RARB: variants seen among roughly 807,000 people sequenced by gnomAD.
RARB encodes the protein HBV-activated protein.
A neutral mutation model predicts 51.9 loss-of-function variants in RARB; 17 were observed. The ratio of observed to expected loss-of-function variants is 0.33; its 90% confidence interval spans 0.22 to 0.49. RARB has a LOEUF of 0.49. Ranked by LOEUF, RARB falls within the 20% of genes least tolerant of loss-of-function variation. The probability of loss-of-function intolerance (pLI) is 0.99; values close to 1 mark genes in which losing one functional copy is unlikely to be tolerated. For missense variants in RARB, 369 were observed against 550.8 expected (o/e 0.67, Z 3.30); for synonymous variants, 215 against 195.4 (o/e 1.10, Z -0.84).
At chr3:25,207,227 A>G (rs977929976) in intron 5 of RARB, among the ~76,000 whole-genome samples, 2 of 152,192 alleles carry the variant, frequency 1.3e-5, no homozygotes, top group East Asian at 3.9e-4. Context: ...ACTCAGATCT[A>G]CTAAGCATGT....
intron 3 of RARB, among the ~76,000 whole-genome samples, chr3:25,071,828 A>G (rs1575146543): frequency 6.6e-6 from 1 of 152,186 alleles, no homozygotes; most frequent in South Asian, 2.1e-4. Context: ...CCAGTGTGCT[A>G]ATATTATTGT....
intron 5 of RARB, among the ~76,000 whole-genome samples, chr3:25,383,288 G>C (rs182796143): frequency 6.6e-6 from 1 of 152,304 alleles, no homozygotes; most frequent in East Asian, 1.9e-4. Context: ...TCACTGTGTG[G>C]CTCCTCTCTG....
intron 2 of RARB, among the ~76,000 whole-genome samples, chr3:24,978,252 G>GA (rs1696563275): frequency 6.6e-6 from 1 of 152,082 alleles, no homozygotes; most frequent in Admixed American, 6.5e-5. Flanking sequence ...TTGGAATCAG[G>GA]ATGACGCTTG....
chr3:24,915,202 A>C (rs901426926), intron 2 of RARB, among the ~76,000 whole-genome samples: 1 of 152,194 alleles, frequency 6.6e-6, no homozygotes, highest in Non-Finnish European at 1.5e-5. Flanking sequence ...TTTCTTTTAA[A>C]ATGCTATAGA....
At chr3:25,342,464 C>T (rs573670078) in intron 5 of RARB, among the ~76,000 whole-genome samples, 3 of 152,268 alleles carry the variant, frequency 2.0e-5, no homozygotes, top group Non-Finnish European at 2.9e-5. Flanking sequence ...CTCTTACAGC[C>T]GTATGACACC....
intron 3 of RARB, among the ~76,000 whole-genome samples, chr3:25,505,826 G>A (rs577947855): frequency 1.8e-4 from 27 of 151,594 alleles, no homozygotes; most frequent in Non-Finnish European, 3.5e-4. Context: ...GAAAGCATGT[G>A]GCAAAGCCCT....
chr3:25,557,340 G>A (rs184040902), intron 3 of RARB, among the ~76,000 whole-genome samples: 298 of 152,192 alleles, frequency 2.0e-3, no homozygotes, highest in African/African-American at 3.2e-3. Flanking sequence ...AACAAAACCC[G>A]GAGGGACTAA....
intron 5 of RARB, among the ~76,000 whole-genome samples, chr3:25,367,375 G>A (rs2125469094): frequency 6.6e-6 from 1 of 152,214 alleles, no homozygotes; most frequent in Middle Eastern, 3.4e-3. Flanking sequence ...TGGCAAAAGG[G>A]GAACACAGGA....
At position 25,494,253 on chromosome 3, in the gene RARB, GCACA is replaced by G. The variant is rs57081618; in HGVS notation, c.307-6906_307-6903del. ...GCCCCCTTTTCCAGCTGTATCTTAC[GCACA>G]CACACACACACACACACACACATGC... On this transcript the variant is annotated intron_variant, in intron 2 of 7. Transcript: ENST00000330688. Among the ~76,000 whole-genome samples, 4 of 131,846 alleles carry G rather than the reference GCACA, an allele frequency of 3.0e-5. No homozygotes were observed. In the East Asian group the frequency reaches 8.1e-4, roughly 27 times the overall value. 86.5% of individuals were successfully genotyped at this position (131,846 alleles called of 152,430 possible).
At chr3:25,191,859 T>C (rs977058730) in intron 5 of RARB, among the ~76,000 whole-genome samples, 3 of 152,174 alleles carry the variant, frequency 2.0e-5, no homozygotes, top group Non-Finnish European at 2.9e-5. Flanking sequence ...TTGTCTCTGA[T>C]TACATAGTCA....
intron 2 of RARB, among the ~76,000 whole-genome samples, chr3:25,022,863 C>T (rs1604006): frequency 0.56 from 85,759 of 151,840 alleles, 24,694 homozygotes; most frequent in East Asian, 0.77. Context: ...AGTGGACAGT[C>T]GGAGATGAGG....
intron 2 of RARB, among the ~76,000 whole-genome samples, chr3:25,024,053 A>C (rs567972971): frequency 6.6e-6 from 1 of 152,332 alleles, no homozygotes; most frequent in African/African-American, 2.4e-5. Flanking sequence ...GGGACTATCA[A>C]GCTCTACTCT....
intron 5 of RARB, among the ~76,000 whole-genome samples, chr3:25,177,070 G>A (rs142381604): frequency 1.5e-3 from 233 of 152,234 alleles, no homozygotes; most frequent in African/African-American, 5.5e-3. Flanking sequence ...AGTTCAGGCT[G>A]GAACATCAAA....
intron 5 of RARB, among the ~76,000 whole-genome samples, chr3:25,279,275 G>C (rs1227881580): frequency 6.6e-6 from 1 of 152,128 alleles, no homozygotes; most frequent in East Asian, 1.9e-4. Flanking sequence ...AGCTTCTTGG[G>C]TGCATGGCCA....
At chr3:25,563,238 T>C (rs943308454) in intron 3 of RARB, among the ~76,000 whole-genome samples, 7 of 152,172 alleles carry the variant, frequency 4.6e-5, no homozygotes, top group South Asian at 2.1e-4. Flanking sequence ...CCTCTTAGGA[T>C]TCCATTTTGA....
At chr3:25,054,947 T>C (rs1029181092) in intron 2 of RARB, among the ~76,000 whole-genome samples, 11 of 152,162 alleles carry the variant, frequency 7.2e-5, no homozygotes, top group African/African-American at 2.7e-4. Context: ...CAATTAATAC[T>C]GAAAATAAAA....
intron 1 of RARB, among the ~76,000 whole-genome samples, chr3:25,434,101 G>A (rs1180832939): frequency 1.3e-5 from 2 of 152,206 alleles, no homozygotes; most frequent in African/African-American, 4.8e-5. Context: ...CGTCAGCAAG[G>A]CGACTCAACC....
intron 3 of RARB, among the ~76,000 whole-genome samples, chr3:25,528,730 A>G (rs990970034): frequency 1.5e-5 from 2 of 134,488 alleles, no homozygotes; most frequent in Non-Finnish European, 1.5e-5. Context: ...CTGCCTTAGG[A>G]GAAAAAAGAT....
chr3:25,472,428 C>T (rs139458257), intron 2 of RARB, among the ~76,000 whole-genome samples: 2 of 152,250 alleles, frequency 1.3e-5, no homozygotes, highest in East Asian at 1.9e-4. Context: ...TGTAGTCTAG[C>T]CATGTGCTCA....
Sources: allele counts gnomAD v4.1 joint callset (sites outside exome capture counted in the v4.1 genomes callset), GRCh38; gene constraint gnomAD v4.1.1; transcripts MANE v1.5; gene names NCBI Gene and HGNC (gene_info 2026-07-23, HGNC 2026-07-21).